CHKA: variants seen among roughly 807,000 people sequenced by gnomAD.
The protein encoded by CHKA is CHETK-alpha.
Under a neutral mutation model 60.1 loss-of-function variants are expected in CHKA, and 34 were observed. The observed-to-expected ratio is 0.57, with a 90% CI of 0.43 to 0.75. The LOEUF is 0.75. Among genes scored for constraint, CHKA ranks in the 30% least tolerant of loss-of-function variants. The pLI, the probability that CHKA is intolerant of heterozygous loss-of-function variation, is 0.00. For synonymous variants in CHKA, 217 were observed against 223.1 expected, an observed-to-expected ratio of 0.97 and a Z score of 0.24; for missense variants, 563 against 561.3, an observed-to-expected ratio of 1.00 and a Z score of -0.03.
At chr11:68,071,028 T>G (rs1188234945) in intron 4 of CHKA, among the ~76,000 whole-genome samples, 171 bp from the exon 5 acceptor site, 1 of 152,176 alleles carries the variant, frequency 6.6e-6, no homozygotes, top group Admixed American at 6.5e-5. Flanking sequence ...GACCCAGCAA[T>G]TGCTATGGCA....
chr11:68,101,791 G>T (rs1236392857), intron 1 of CHKA, among the ~76,000 whole-genome samples: 1 of 152,106 alleles, frequency 6.6e-6, no homozygotes, highest in African/African-American at 2.4e-5. Flanking sequence ...TGTATTAGAA[G>T]AATTAATATT....
intron 2 of CHKA, chr11:68,082,423 C>T (rs1857016613): frequency 6.6e-6 from 1 of 152,534 alleles, no homozygotes; most frequent in African/African-American, 2.4e-5. Context: ...CAAAAGGAAT[C>T]CCAGAAAGGA....
chr11:68,064,178 G>A (rs1415090544), intron 10 of CHKA, among the ~76,000 whole-genome samples: 1 of 152,202 alleles, frequency 6.6e-6, no homozygotes, highest in African/African-American at 2.4e-5. Context: ...AGGCCGAGCT[G>A]GGTGGATCAC....
In CHKA at chr11:68,070,870, AG is replaced by A; in HGVS notation, c.631-14del. 6.2e-7 allele frequency: 1 copy of A among 1,603,438 alleles called. No homozygotes were observed. The highest frequency in any genetic ancestry group is 1.3e-5 in the African/African-American group (1 of 74,834). On this transcript the variant is annotated splice_polypyrimidine_tract_variant and intron_variant, in intron 4 of 11. Transcript: ENST00000265689. ...CTAATCGCCGGCTCTGAAAAAGAAA[AG>A]GGAGTTAAAAACTGACATTTACCAA... is the stretch of plus-strand genomic sequence containing the variant.
In CHKA at chr11:68,070,175, G is replaced by C. The variant is rs1856567524; in HGVS notation, c.869+14C>G. The C allele has an allele frequency of 1.9e-6, 3 of 1,567,264 alleles. No individual in the cohort carries two copies. Among genetic ancestry groups the C allele is most frequent in the Non-Finnish European group, 2.6e-6 (3 of 1,138,144 alleles). ...TAAGAATATTTAAAGTCAGGAAATA[G>C]AAGGAAAACTCACCTCAGGTTTTCC... On this transcript the variant is annotated intron_variant, in intron 6 of 11. Transcript: ENST00000265689.
At position 68,062,042 on chromosome 11, in the gene CHKA, G is replaced by A. The variant is rs904694282; in HGVS notation, c.1233-8C>T. 3 of 1,568,334 alleles carry A rather than the reference G, an allele frequency of 1.9e-6. No homozygotes were observed. Among genetic ancestry groups the A allele is most frequent in the African/African-American group, 2.7e-5 (2 of 74,324 alleles). ...TGAGATGCAAGGGCAAACCTGGAAT[G>A]ATAAAAGCAAGAAACATATAAGAGA... On this transcript the variant is annotated splice_region_variant and splice_polypyrimidine_tract_variant and intron_variant, in intron 10 of 11. Coordinates refer to ENST00000265689, the MANE Select transcript of CHKA (RefSeq NM_001277.3).
intron 2 of CHKA, among the ~76,000 whole-genome samples, chr11:68,086,770 G>A (rs546111849): frequency 2.6e-5 from 4 of 152,234 alleles, no homozygotes; most frequent in South Asian, 2.1e-4. Flanking sequence ...GGCGGATCAC[G>A]AGGTCAGGGG....
chr11:68,116,740 G>A (rs928213011), intron 1 of CHKA, among the ~76,000 whole-genome samples: 1 of 151,664 alleles, frequency 6.6e-6, no homozygotes, highest in South Asian at 2.1e-4. Context: ...AAGAAAGAAA[G>A]AAAATGCTAA....
At position 68,066,540 on chromosome 11, in the gene CHKA, G is replaced by A. The variant is rs762435611; in HGVS notation, c.929-24C>T. ...ACCTGCAAAAGGTTTGGATAACATG[G>A]TTTATGTTTTACAATAGAAGGCTCA... On this transcript the variant is annotated intron_variant, in intron 7 of 11. Transcript: ENST00000265689. 16 of 1,581,076 alleles carry A rather than the reference G, an allele frequency of 1.0e-5. 1 individual carries two copies. The South Asian group carries it at 1.5e-4, about 15-fold the overall frequency.
intron 1 of CHKA, among the ~76,000 whole-genome samples, chr11:68,115,985 C>T (rs1213074215): frequency 6.6e-6 from 1 of 152,168 alleles, no homozygotes; most frequent in Non-Finnish European, 1.5e-5. Flanking sequence ...ACACAATTAA[C>T]TTCCTATGTG....
chr11:68,112,409 G>A (rs1858190626), intron 1 of CHKA, among the ~76,000 whole-genome samples: 1 of 151,922 alleles, frequency 6.6e-6, no homozygotes, highest in African/African-American at 2.4e-5. Context: ...AGGTGCCCAC[G>A]ACTACACCAG....
chr11:68,119,918 T>C (rs1858548582), intron 1 of CHKA, among the ~76,000 whole-genome samples: 1 of 152,098 alleles, frequency 6.6e-6, no homozygotes, highest in Non-Finnish European at 1.5e-5. Flanking sequence ...TAAGATTAAA[T>C]ATTTTCAAGT....
At chr11:68,120,364 T>C (rs900353384) in intron 1 of CHKA, among the ~76,000 whole-genome samples, 9 of 152,164 alleles carry the variant, frequency 5.9e-5, no homozygotes, top group Admixed American at 2.6e-4. Flanking sequence ...CCACTAACAA[T>C]GACTCTTGGA....
intron 8 of CHKA, 121 bp downstream of exon 8, chr11:68,066,308 A>C: frequency 2.6e-6 from 2 of 784,294 alleles, no homozygotes; most frequent in Non-Finnish European, 4.3e-6. Flanking sequence ...CACTGATTCC[A>C]GGTGAAGCAG....
chr11:68,079,934 A>G (rs1028967149), intron 3 of CHKA, among the ~76,000 whole-genome samples: 1 of 152,208 alleles, frequency 6.6e-6, no homozygotes, highest in Non-Finnish European at 1.5e-5. Flanking sequence ...CCTAGCATGT[A>G]GACAGCCAGA....
chr11:68,054,574 T>G (rs1181991579), intron 11 of CHKA, among the ~76,000 whole-genome samples: 1 of 152,208 alleles, frequency 6.6e-6, no homozygotes, highest in Non-Finnish European at 1.5e-5. Context: ...ACTATTTTTC[T>G]GGGATTGTGT....
At chr11:68,103,843 G>A (rs1019433003) in intron 1 of CHKA, among the ~76,000 whole-genome samples, 1 of 150,476 alleles carries the variant, frequency 6.6e-6, no homozygotes, top group African/African-American at 2.4e-5. Context: ...GAACCCGGGA[G>A]GCAGTGTTGC....
At chr11:68,060,928 C>A (rs907994939) in intron 11 of CHKA, among the ~76,000 whole-genome samples, 1 of 151,996 alleles carries the variant, frequency 6.6e-6, no homozygotes, top group Non-Finnish European at 1.5e-5. Flanking sequence ...CTGAGGAGGT[C>A]AAAATGAACT....
intron 1 of CHKA, among the ~76,000 whole-genome samples, chr11:68,119,616 T>C (rs1167915931): frequency 6.6e-6 from 1 of 152,056 alleles, no homozygotes; most frequent in Non-Finnish European, 1.5e-5. Context: ...ACTACAGGTG[T>C]GCGCCACCAT....
Sources: gnomAD v4.1 joint callset for allele counts (sites outside exome capture counted in the v4.1 genomes callset) on GRCh38, gnomAD v4.1.1 for gene constraint, MANE v1.5 for transcripts, NCBI Gene and HGNC (gene_info 2026-07-23, HGNC 2026-07-21) for gene names.